The following CFAP92 variants were observed in gnomAD, a reference collection of about 807,000 sequenced individuals.
The protein encoded by CFAP92 is cilia and flagella associated protein 92 (putative).
A neutral mutation model predicts 106.3 loss-of-function variants in CFAP92; 86 were observed. The ratio of observed to expected loss-of-function variants is 0.81; its 90% confidence interval spans 0.68 to 0.97. The LOEUF (loss-of-function observed/expected upper bound fraction) is 0.97, where lower values mean the gene tolerates loss of function less well. Among genes scored for constraint, CFAP92 ranks in the 50% least tolerant of loss-of-function variants. The probability of loss-of-function intolerance (pLI) is 0.00; values close to 1 mark genes in which losing one functional copy is unlikely to be tolerated. For synonymous variants in CFAP92, 477 were observed against 506.4 expected (o/e 0.94, Z 0.78); for missense variants, 1,204 against 1,283.8 (o/e 0.94, Z 0.95).
rs541245346 is a variant in CFAP92 at position 128,924,390 on chromosome 3, CTCCT to C, written c.2752-8123_2752-8120del. Among the ~76,000 whole-genome samples, 222 of 148,496 alleles carry C rather than the reference CTCCT, an allele frequency of 1.5e-3. 1 individual carries two copies. The highest frequency in any genetic ancestry group is 5.3e-3 in the African/African-American group (217 of 40,574). On this transcript the variant is annotated intron_variant, in intron 12 of 15. Transcript: ENST00000645291. ...TCTGGAATGTGTCTAGACTTGCTGG[CTCCT>C]TCCTTCTAGCACTCCCAGGCTCATA...
rs1363864501 is a variant in CFAP92 at position 128,915,570 on chromosome 3, A to G, written c.2917-7T>C. On this transcript the variant is annotated splice_region_variant and splice_polypyrimidine_tract_variant and intron_variant, in intron 13 of 15. Transcript: ENST00000645291. Reference sequence around the variant, plus strand: ...TGAATCTCTTTCTTGGCTCCTAGAAATGGGGGCAGACAGGTTGGGGTGGAA... The same window carrying G: ...TGAATCTCTTTCTTGGCTCCTAGAAGTGGGGGCAGACAGGTTGGGGTGGAA... 6.7e-7 allele frequency: 1 copy of G among 1,501,418 alleles called. No individual in the cohort carries two copies. The highest frequency in any genetic ancestry group is 8.9e-7 in the Non-Finnish European group (1 of 1,129,718). 93.0% of individuals were successfully genotyped at this position (1,501,418 alleles called of 1,614,324 possible).
intron 2 of CFAP92, among the ~76,000 whole-genome samples, 165 bp from the exon 3 acceptor site, chr3:128,989,083 G>A (rs1576642328): frequency 6.6e-6 from 1 of 152,152 alleles, no homozygotes; most frequent in South Asian, 2.1e-4. Context: ...CAGCAGAGTA[G>A]CACGACCTGG....
At chr3:128,984,743 A>G (rs565191024) in intron 4 of CFAP92, among the ~76,000 whole-genome samples, 1 of 152,200 alleles carries the variant, frequency 6.6e-6, no homozygotes, top group Non-Finnish European at 1.5e-5. Flanking sequence ...AACACTGACT[A>G]GTACACTGAG....
chr3:128,977,065 A>G lies in CFAP92; in HGVS notation c.810T>C (p.Gly270=). ...AAGTTTCGGGCTCTGCTTGGTGAGA[A>G]CCTGAAAACAGTAGCAAATATTTCC... ...KTEKHPKSLQ[G]SHQAEPETSS... The change falls in exon 6 of 16, where the codon GGT becomes GGC. Residue 270 remains glycine (G), a splice_region_variant and synonymous_variant. Coordinates refer to ENST00000645291, the MANE Select transcript of CFAP92 (RefSeq NM_001394090.1). 6.2e-7 allele frequency: 1 copy of G among 1,613,192 alleles called. No individual in the cohort carries two copies. The highest frequency in any genetic ancestry group is 1.1e-5 in the South Asian group (1 of 91,046).
intron 2 of CFAP92, 76 bp downstream of exon 2, chr3:128,992,967 A>G (rs1944308842): frequency 6.5e-7 from 1 of 1,543,312 alleles, no homozygotes; most frequent in East Asian, 2.3e-5. Context: ...TGTGGGGTGT[A>G]TGCGCCCTAA....
At chr3:129,002,093 C>A in intron 1 of CFAP92, 1 of 1,511,192 alleles carries the variant, frequency 6.6e-7, no homozygotes, top group Non-Finnish European at 8.8e-7. Context: ...ACTTCGGCAC[C>A]CGTGCGGGGC....
Position 128,910,019 on chromosome 3 carries a change from A to G in CFAP92, c.*280T>C. On this transcript the variant is annotated 3_prime_UTR_variant, in exon 16 of 16. Transcript: ENST00000645291. ...CCCCACTTGGAGCCTCTGTGATCCC[A>G]GACCATCATGGAGGAGCAGCTGGTA... 6.2e-7 allele frequency: 1 copy of G among 1,613,458 alleles called. No individual in the cohort carries two copies. Among genetic ancestry groups the G allele is most frequent in the Non-Finnish European group, 8.5e-7 (1 of 1,179,866 alleles).
the CFAP92 span, among the ~76,000 whole-genome samples, chr3:129,011,550 CAA>C: frequency 3.0e-4 from 28 of 93,448 alleles, no homozygotes; most frequent in Admixed American, 4.8e-4. Flanking sequence ...GACTCCGTCT[CAA>C]AAAAAAAAAA....
chr3:129,019,293 C>T, the CFAP92 span, among the ~76,000 whole-genome samples: 16 of 152,180 alleles, frequency 1.1e-4, no homozygotes, highest in African/African-American at 3.6e-4. Flanking sequence ...GGAGTCTACC[C>T]TTTTGGGTGA....
chr3:129,005,908 G>A (rs1341819491), upstream of CFAP92, among the ~76,000 whole-genome samples: 1 of 152,270 alleles, frequency 6.6e-6, no homozygotes, highest in African/African-American at 2.4e-5. Context: ...TATCCAAGAG[G>A]AGAAATAAAG....
the CFAP92 span, among the ~76,000 whole-genome samples, chr3:129,014,411 T>C: frequency 1.3e-5 from 2 of 152,204 alleles, no homozygotes; most frequent in Non-Finnish European, 2.9e-5. This position sits in a 1 kb window ranked among gnomAD's most constrained non-coding sequence, Gnocchi z 4.3. Flanking sequence ...TCCTGCGGCC[T>C]CTCTCCTGGG....
chr3:128,960,486 A>ATCTC (rs1941810026), intron 9 of CFAP92, among the ~76,000 whole-genome samples: 1 of 152,094 alleles, frequency 6.6e-6, no homozygotes, highest in Non-Finnish European at 1.5e-5. Context: ...CCACACTTCA[A>ATCTC]TCTCTCCCTT....
At chr3:128,984,695 C>T (rs1943742101) in intron 4 of CFAP92, among the ~76,000 whole-genome samples, 1 of 152,202 alleles carries the variant, frequency 6.6e-6, no homozygotes, top group Admixed American at 6.5e-5. Context: ...AACTCCCTTT[C>T]ATATATACAT....
At chr3:128,964,386 A>G (rs1049592101) in intron 9 of CFAP92, among the ~76,000 whole-genome samples, 5 of 152,152 alleles carry the variant, frequency 3.3e-5, no homozygotes, top group Admixed American at 3.3e-4. Context: ...GCCCCCAAAA[A>G]ACTTGTCATC....
At chr3:129,017,777 T>C in the CFAP92 span, among the ~76,000 whole-genome samples, 1 of 152,206 alleles carries the variant, frequency 6.6e-6, no homozygotes, top group Non-Finnish European at 1.5e-5. Context: ...CAGAACATCA[T>C]GCCATCTCTG....
intron 9 of CFAP92, among the ~76,000 whole-genome samples, chr3:128,960,922 C>T (rs1217313381): frequency 1.3e-5 from 2 of 152,208 alleles, no homozygotes; most frequent in Non-Finnish European, 2.9e-5. Context: ...GGGCAAGAAC[C>T]CCCAAACCCC....
intron 4 of CFAP92, among the ~76,000 whole-genome samples, chr3:128,986,308 C>T (rs981044913): frequency 1.3e-5 from 2 of 150,914 alleles, no homozygotes; most frequent in African/African-American, 4.9e-5. Flanking sequence ...CGTACAAACA[C>T]AGCTTACTGA....
chr3:128,991,882 G>T, intron 2 of CFAP92: 1 of 986,914 alleles, frequency 1.0e-6, no homozygotes. Context: ...CTATCAAGAT[G>T]TGAAGTACTA....
upstream of CFAP92, among the ~76,000 whole-genome samples, chr3:129,005,720 G>C (rs1324252027): frequency 2.6e-5 from 4 of 152,236 alleles, no homozygotes; most frequent in Non-Finnish European, 2.9e-5. Flanking sequence ...CTGGACATCT[G>C]AGAAGCTCAC....
Sources: gnomAD v4.1 joint callset for allele counts (sites outside exome capture counted in the v4.1 genomes callset) on GRCh38, gnomAD v4.1.1 for gene constraint, Gnocchi (gnomAD v3.1) non-coding constraint, MANE v1.5 for transcripts, NCBI Gene and HGNC (gene_info 2026-07-23, HGNC 2026-07-21) for gene names.